Variants in CLBA1 observed in about 807,000 individuals in gnomAD.
CLBA1 encodes uncharacterized protein CLBA1.
In CLBA1, 30 loss-of-function variants were observed where a neutral mutation model predicts 28.8. The ratio of observed to expected loss-of-function variants is 1.04; its 90% confidence interval spans 0.78 to 1.41. The LOEUF is 1.41. CLBA1 is among the 40% of genes most tolerant of loss of function. The pLI, the probability that CLBA1 is intolerant of heterozygous loss-of-function variation, is 0.00. For synonymous variants in CLBA1, 160 were observed against 152.8 expected (o/e 1.05, Z -0.35); for missense variants, 451 against 412.3 (o/e 1.09, Z -0.81).
intron 1 of CLBA1, 64 bp downstream of exon 1, chr14:104,986,918 C>A (rs1595441150): frequency 6.5e-7 from 1 of 1,543,540 alleles, no homozygotes; most frequent in South Asian, 1.2e-5. Flanking sequence ...AGGCCTACAG[C>A]CCTCGAATGC....
chr14:104,995,154 G>A lies in CLBA1; in HGVS notation c.*395G>A, dbSNP rs537039445. 6 of 991,302 alleles carry A rather than the reference G, an allele frequency of 6.1e-6. No individual in the cohort carries two copies. The Admixed American group carries it at 3.0e-4, about 50-fold the overall frequency. The allele number at this position is 991,302 out of a possible 1,614,324, so 61.4% of individuals were successfully genotyped here. The stretch of plus-strand genomic sequence containing the variant: ...AATCCATGAGTTCAGAGGAAAAGGG[G>A]AAGGCACTGAAACGTCACCAGAGAG... On this transcript the variant is annotated 3_prime_UTR_variant, in exon 5 of 5. Transcript: ENST00000547315.
chr14:104,987,047 G>A (rs1025492622), intron 1 of CLBA1, among the ~76,000 whole-genome samples, 193 bp downstream of exon 1: 1 of 152,260 alleles, frequency 6.6e-6, no homozygotes, highest in Non-Finnish European at 1.5e-5. Context: ...CAATGAGTTG[G>A]CAGAGGAGGC....
At position 104,995,284 on chromosome 14, in the gene CLBA1, G is replaced by T. The variant is rs953190595; in HGVS notation, c.*525G>T. On this transcript the variant is annotated 3_prime_UTR_variant, in exon 5 of 5. Transcript: ENST00000547315. ...TGTACAGATGTGCTGTGTCCTCAGAGCCTCGCAGGTGCCCTCACTTACTGC... is the reference window on the plus strand; with the variant it reads ...TGTACAGATGTGCTGTGTCCTCAGATCCTCGCAGGTGCCCTCACTTACTGC... 3.0e-6 allele frequency: 3 copies of T among 985,432 alleles called. No homozygotes were observed. The highest frequency in any genetic ancestry group is 6.1e-5 in the Admixed American group (1 of 16,270). 61.0% of individuals were successfully genotyped at this position (985,432 alleles called of 1,614,324 possible).
Position 104,995,134 on chromosome 14 carries a change from A to G in CLBA1, c.*375A>G, listed in dbSNP as rs982726388. 4.0e-6 allele frequency: 4 copies of G among 995,514 alleles called. No homozygotes were observed. The highest frequency in any genetic ancestry group is 4.8e-6 in the Non-Finnish European group (4 of 836,960). 61.7% of individuals were successfully genotyped at this position (995,514 alleles called of 1,614,324 possible). ...GGGGGAGCAACTTGTGGCCAAATCC[A>G]TGAGTTCAGAGGAAAAGGGGAAGGC... is the stretch of plus-strand genomic sequence containing the variant. On this transcript the variant is annotated 3_prime_UTR_variant, in exon 5 of 5. Transcript: ENST00000547315.
chr14:104,986,638 T>G lies in CLBA1; in HGVS notation c.207T>G (p.Pro69=). Residue 69 remains proline (P), a synonymous_variant, in exon 1 of 5, where the codon CCT becomes CCG. Coordinates refer to ENST00000547315, the MANE Select transcript of CLBA1 (RefSeq NM_174891.4). The part of the protein sequence containing the change: ...EGGSTCTARC[P]DPGEHSSTWG... ...GTTCCACCTGCACTGCCCGATGTCC[T>G]GACCCTGGGGAACACAGCAGCACTT... is the stretch of plus-strand genomic sequence containing the variant. 1 of 1,614,154 alleles carries G rather than the reference T, an allele frequency of 6.2e-7. No individual in the cohort carries two copies. Among genetic ancestry groups the G allele is most frequent in the Non-Finnish European group, 8.5e-7 (1 of 1,180,036 alleles).
Position 104,985,881 on chromosome 14 carries a change from G to T in CLBA1, c.-551G>T. 6.5e-6 allele frequency: 1 copy of T among 153,484 alleles called. No individual in the cohort carries two copies. Among genetic ancestry groups the T allele is most frequent in the Non-Finnish European group, 1.2e-5 (1 of 84,484 alleles). The allele number at this position is 153,484 out of a possible 1,614,324, so 9.5% of individuals were successfully genotyped here. ...GCCCCGCCGAGGCGGCGACCAAGGT[G>T]GGTGCGGGGACTCTCGGGAGCCGTG... On this transcript the variant is annotated 5_prime_UTR_variant, in exon 1 of 5. Transcript: ENST00000547315.
rs1364314445 is a variant in CLBA1 at position 104,986,601 on chromosome 14, C to T, written c.170C>T (p.Pro57Leu). Residue 57 changes from proline (P) to leucine (L), a missense_variant, in exon 1 of 5, where the codon CCC (proline) becomes CTC (leucine). Transcript: ENST00000547315. ...LSDGKASISMPREGGSTCTAR... is the reference protein window; with the variant it reads ...LSDGKASISMLREGGSTCTAR... Reference sequence around the variant, plus strand: ...GATGGGAAAGCCAGCATCTCCATGCCCCGTGAGGGCGGTTCCACCTGCACT... The same window carrying T: ...GATGGGAAAGCCAGCATCTCCATGCTCCGTGAGGGCGGTTCCACCTGCACT... 1.9e-6 allele frequency: 3 copies of T among 1,613,984 alleles called. No individual in the cohort carries two copies. The highest frequency in any genetic ancestry group is 1.3e-5 in the African/African-American group (1 of 74,924).
chr14:104,993,270 T>C, intron 4 of CLBA1: 1 of 985,272 alleles, frequency 1.0e-6, no homozygotes. Context: ...ATAAATACCA[T>C]CCGGAAAGAC....
intron 4 of CLBA1, chr14:104,993,428 T>C: frequency 3.0e-6 from 3 of 985,394 alleles, no homozygotes; most frequent in Non-Finnish European, 3.6e-6. Context: ...GGCCAGGGGA[T>C]GTTGACTCCG....
chr14:104,987,986 TA>T (rs1043764798), intron 1 of CLBA1, among the ~76,000 whole-genome samples: 2 of 152,210 alleles, frequency 1.3e-5, no homozygotes, highest in Admixed American at 6.5e-5. Flanking sequence ...GATCCACTCT[TA>T]ATAGAGTAAG....
downstream of CLBA1, among the ~76,000 whole-genome samples, chr14:105,000,497 C>T (rs1280332967): frequency 5.9e-5 from 9 of 152,066 alleles, no homozygotes; most frequent in Non-Finnish European, 1.5e-5. Flanking sequence ...GTCTCGAACT[C>T]CTGACCTCAG....
chr14:104,989,222 A>G (rs1899951747), intron 2 of CLBA1, 134 bp downstream of exon 2: 12 of 867,734 alleles, frequency 1.4e-5, no homozygotes, highest in South Asian at 7.0e-5. Flanking sequence ...TCTGTGGGTC[A>G]TAGGGGTCCT....
At chr14:105,000,791 G>C (rs1900253070) in intron 2 of CLBA1, among the ~76,000 whole-genome samples, 1 of 152,056 alleles carries the variant, frequency 6.6e-6, no homozygotes, top group Non-Finnish European at 1.5e-5. Flanking sequence ...CTTGTGCACT[G>C]TTGGTGGGAG....
At chr14:104,988,219 G>A (rs377655493) in intron 1 of CLBA1, among the ~76,000 whole-genome samples, 37 of 152,212 alleles carry the variant, frequency 2.4e-4, no homozygotes, top group African/African-American at 8.7e-4. Context: ...AACACCTGGT[G>A]TTAGGACTTC....
At chr14:104,990,219 C>CT (rs1192296695) in intron 2 of CLBA1, 1 of 161,622 alleles carries the variant, frequency 6.2e-6, no homozygotes, top group Non-Finnish European at 1.4e-5. Context: ...GGGCTGGACA[C>CT]TCGTGGGACA....
At chr14:104,987,752 G>C (rs1255006279) in intron 1 of CLBA1, among the ~76,000 whole-genome samples, 2 of 148,772 alleles carry the variant, frequency 1.3e-5, no homozygotes, top group Admixed American at 1.3e-4. Context: ...TGAGTAGCTG[G>C]GATTACAGGC....
At chr14:104,999,347 A>G (rs974931331), downstream of CLBA1, 4 of 609,036 alleles carry the variant, frequency 6.6e-6, no homozygotes, top group South Asian at 2.9e-4. Context: ...GGCCAGGGAC[A>G]TGGCCTTCAG....
intron 1 of CLBA1, 75 bp downstream of exon 1, chr14:104,986,929 T>G: frequency 6.6e-7 from 1 of 1,511,158 alleles, no homozygotes; most frequent in Non-Finnish European, 9.0e-7. Context: ...CCTCGAATGC[T>G]GTGGCGTGCT....
chr14:104,992,046 G>C (rs879904734), intron 3 of CLBA1, among the ~76,000 whole-genome samples: 1 of 125,156 alleles, frequency 8.0e-6, no homozygotes, highest in Non-Finnish European at 1.6e-5. Context: ...CCACGCACAC[G>C]CCACCACGCA....
Sources: allele counts gnomAD v4.1 joint callset (sites outside exome capture counted in the v4.1 genomes callset), GRCh38; gene constraint gnomAD v4.1.1; transcripts MANE v1.5; gene names NCBI Gene and HGNC (gene_info 2026-07-23, HGNC 2026-07-21).